The following TRPM3 variants were observed in gnomAD, a reference collection of about 807,000 sequenced individuals.
TRPM3 encodes the protein long transient receptor potential channel 3.
Under a neutral mutation model 181.2 loss-of-function variants are expected in TRPM3, and 77 were observed. The observed-to-expected ratio is 0.42, with a 90% CI of 0.35 to 0.51. TRPM3 has a LOEUF of 0.51. Ranked by LOEUF, TRPM3 falls within the 20% of genes least tolerant of loss-of-function variation. The pLI is 0.01. For synonymous variants in TRPM3, 745 were observed against 796.4 expected, an observed-to-expected ratio of 0.94 and a Z score of 1.09; for missense variants, 1,759 against 2,196.7, an observed-to-expected ratio of 0.80 and a Z score of 3.98.
intron 1 of TRPM3, among the ~76,000 whole-genome samples, chr9:71,070,579 C>A (rs2062626121): frequency 6.6e-6 from 1 of 152,068 alleles, no homozygotes; most frequent in Admixed American, 6.5e-5. Context: ...ACAACATTTG[C>A]AAAATTCTGA....
intron 1 of TRPM3, among the ~76,000 whole-genome samples, chr9:71,289,605 C>T (rs1160331952): frequency 6.6e-5 from 10 of 152,060 alleles, no homozygotes; most frequent in Non-Finnish European, 1.5e-4. Flanking sequence ...CAGTGGCTCA[C>T]GCCTGTAATC....
At chr9:71,270,656 A>T (rs1394542869) in intron 1 of TRPM3, among the ~76,000 whole-genome samples, 3 of 152,162 alleles carry the variant, frequency 2.0e-5, no homozygotes, top group African/African-American at 7.2e-5. Context: ...AGGAAGAATG[A>T]TATCTTCCTA....
intron 1 of TRPM3, among the ~76,000 whole-genome samples, chr9:70,865,050 G>A (rs75237586): frequency 0.028 from 4,223 of 150,582 alleles, 103 homozygotes; most frequent in Non-Finnish European, 0.042. Flanking sequence ...GGGGGTTGGG[G>A]GGGGGGAGGA....
At chr9:71,386,930 T>C (rs2092936971) in intron 1 of TRPM3, among the ~76,000 whole-genome samples, 1 of 152,202 alleles carries the variant, frequency 6.6e-6, no homozygotes, top group Admixed American at 6.5e-5. Flanking sequence ...AGTAAGTACA[T>C]GTGATCTTCC....
At chr9:70,679,659 C>T (rs1268713054) in intron 9 of TRPM3, among the ~76,000 whole-genome samples, 3 of 152,104 alleles carry the variant, frequency 2.0e-5, no homozygotes, top group South Asian at 2.1e-4. Flanking sequence ...CTGAATTGCT[C>T]TATGCCCCAA....
chr9:71,252,847 C>CTCTTTTTTTTTTTTT (rs1554854926), intron 1 of TRPM3, among the ~76,000 whole-genome samples: 1 of 84,754 alleles, frequency 1.2e-5, no homozygotes, highest in African/African-American at 5.2e-5. Context: ...AATTTTGTCT[C>CTCTTTTTTTTTTTTT]TTTTTTTTTT....
At chr9:71,302,502 T>C (rs2086871042) in intron 1 of TRPM3, among the ~76,000 whole-genome samples, 1 of 152,236 alleles carries the variant, frequency 6.6e-6, no homozygotes, top group South Asian at 2.1e-4. Context: ...TATAATTTCA[T>C]TTCTCCATTT....
chr9:70,997,286 C>T (rs1175603831), intron 1 of TRPM3, among the ~76,000 whole-genome samples: 1 of 152,150 alleles, frequency 6.6e-6, no homozygotes, highest in Non-Finnish European at 1.5e-5. Flanking sequence ...GCAGGCTCCG[C>T]CTCCTGGGTT....
At chr9:71,153,022 C>A (rs1361257526) in intron 1 of TRPM3, among the ~76,000 whole-genome samples, 1 of 152,008 alleles carries the variant, frequency 6.6e-6, no homozygotes, top group African/African-American at 2.4e-5. Flanking sequence ...GGCTGTCATG[C>A]CATTACAGCA....
intron 1 of TRPM3, among the ~76,000 whole-genome samples, chr9:70,910,101 A>T (rs1589708719): frequency 6.6e-6 from 1 of 152,210 alleles, no homozygotes; most frequent in South Asian, 2.1e-4. Context: ...AAATATGTGT[A>T]TAAGTGCTTA....
intron 9 of TRPM3, among the ~76,000 whole-genome samples, chr9:70,648,293 A>T (rs1193916438): frequency 2.0e-5 from 3 of 152,080 alleles, no homozygotes; most frequent in Non-Finnish European, 4.4e-5. Flanking sequence ...TGGGCAACAT[A>T]GGGAGACCTC....
chr9:70,993,801 A>G (rs988546450), intron 1 of TRPM3, among the ~76,000 whole-genome samples: 5 of 124,684 alleles, frequency 4.0e-5, no homozygotes, highest in African/African-American at 8.3e-5. Context: ...AAAAAAAAAA[A>G]AAAAGAAAGA....
At chr9:70,537,898 G>T (rs1445437267) in intron 25 of TRPM3, among the ~76,000 whole-genome samples, 9 of 152,152 alleles carry the variant, frequency 5.9e-5, no homozygotes. Flanking sequence ...TTAGAATCTA[G>T]CTATTTTTAT....
At chr9:70,985,354 C>A (rs534464206) in intron 1 of TRPM3, among the ~76,000 whole-genome samples, 48 of 152,206 alleles carry the variant, frequency 3.2e-4, no homozygotes, top group Non-Finnish European at 5.9e-4. Flanking sequence ...TGAAGATATG[C>A]CATACAGATC....
chr9:70,648,243 G>A (rs1240347569), intron 9 of TRPM3, among the ~76,000 whole-genome samples: 1 of 152,164 alleles, frequency 6.6e-6, no homozygotes, highest in African/African-American at 2.4e-5. Flanking sequence ...GGGAGATGGA[G>A]GCAGGAAGAT....
At chr9:71,421,211 G>C (rs2093767425) in intron 1 of TRPM3, among the ~76,000 whole-genome samples, 1 of 151,772 alleles carries the variant, frequency 6.6e-6, no homozygotes, top group South Asian at 2.1e-4. Flanking sequence ...GGGACTACTA[G>C]AGGTGGGAAG....
chr9:71,089,082 T>A (rs1232570245), intron 1 of TRPM3, among the ~76,000 whole-genome samples: 1 of 147,644 alleles, frequency 6.8e-6, no homozygotes, highest in Non-Finnish European at 1.5e-5. Context: ...AAATCACATA[T>A]ATGCACCATA....
intron 1 of TRPM3, among the ~76,000 whole-genome samples, chr9:71,146,726 A>C (rs978094471): frequency 1.2e-4 from 18 of 152,174 alleles, no homozygotes; most frequent in Non-Finnish European, 7.4e-5. Context: ...GGCAACACCC[A>C]TGACCACAGC....
chr9:70,535,464 C>T lies in TRPM3; in HGVS notation c.*489G>A, dbSNP rs2041503304. The T allele has an allele frequency of 6.4e-7, 1 of 1,550,410 alleles. No individual in the cohort carries two copies. The highest frequency in any genetic ancestry group is 1.4e-5 in the African/African-American group (1 of 73,020). Reference sequence around the variant, plus strand: ...TAAAGAGGATGCTCTTCATCAGTCACCAGTGATGGAGCCAATGTGAAAAGA... The same window carrying T: ...TAAAGAGGATGCTCTTCATCAGTCATCAGTGATGGAGCCAATGTGAAAAGA... On this transcript the variant is annotated 3_prime_UTR_variant, in exon 26 of 26. Coordinates refer to ENST00000677713, the MANE Select transcript of TRPM3 (RefSeq NM_001366145.2).
Sources: allele counts gnomAD v4.1 joint callset (sites outside exome capture counted in the v4.1 genomes callset), GRCh38; gene constraint gnomAD v4.1.1; transcripts MANE v1.5; gene names NCBI Gene and HGNC (gene_info 2026-07-23, HGNC 2026-07-21).